TEDC1: variants seen among roughly 807,000 people sequenced by gnomAD.
TEDC1 encodes tubulin epsilon and delta complex 1, also known as tubulin epsilon and delta complex protein 1.
In TEDC1, 54 loss-of-function variants were observed where a neutral mutation model predicts 59.9. That is an observed-to-expected ratio of 0.90 (90% confidence interval 0.72 to 1.13). The LOEUF (loss-of-function observed/expected upper bound fraction) is 1.13. Ranked by LOEUF, TEDC1 falls within the 50% of genes most tolerant of loss-of-function variation. TEDC1 has a pLI of 0.00. For synonymous variants in TEDC1, 353 were observed against 298.1 expected, an observed-to-expected ratio of 1.18 and a Z score of -1.90; for missense variants, 734 against 683.4, an observed-to-expected ratio of 1.07 and a Z score of -0.83.
intron 5 of TEDC1, chr14:105,494,231 A>G (rs1217448983): frequency 3.9e-5 from 19 of 483,968 alleles, no homozygotes; most frequent in African/African-American, 2.6e-4. Flanking sequence ...AGGCTGTTGG[A>G]ATAAAGGAAC....
Position 105,493,948 on chromosome 14 carries a change from G to C in TEDC1, c.684+15G>C. On this transcript the variant is annotated intron_variant, in intron 5 of 8. Transcript: ENST00000392523. ...GAGGCCAGCAGGTGAGGGCGGGCAA[G>C]CTGCTGCGGGGGGGTGGGGGTGGGC... is the stretch of plus-strand genomic sequence containing the variant. The C allele has an allele frequency of 2.3e-6, 3 of 1,294,374 alleles. No homozygotes were observed. The South Asian group carries it at 3.8e-5, about 16-fold the overall frequency. The allele number at this position is 1,294,374 out of a possible 1,614,324, so 80.2% of individuals were successfully genotyped here.
chr14:105,491,586 C>G, intron 1 of TEDC1, 36 bp from the exon 2 acceptor site: 2 of 1,547,822 alleles, frequency 1.3e-6, no homozygotes, highest in South Asian at 2.4e-5. Flanking sequence ...GGAGTTGGGC[C>G]GGCTCCGCTG....
Position 105,497,908 on chromosome 14 carries a change from G to C in TEDC1, c.1089G>C (p.Arg363=), listed in dbSNP as rs782180674. 12 of 1,553,126 alleles carry C rather than the reference G, an allele frequency of 7.7e-6. No homozygotes were observed. Among genetic ancestry groups the C allele is most frequent in the Non-Finnish European group, 1.0e-5 (12 of 1,148,544 alleles). Reference sequence around the variant, plus strand: ...GTGGCGAGTTGGACCTGGTAGTGCGGGAGCTGCAGGCACTGGAGGAGGAGC... The same window carrying C: ...GTGGCGAGTTGGACCTGGTAGTGCGCGAGCTGCAGGCACTGGAGGAGGAGC... The part of the protein sequence containing the change: ...RGGGELDLVV[R]ELQALEEELR... The change falls in exon 8 of 9, where the codon CGG becomes CGC. Residue 363 remains arginine, a synonymous_variant. Transcript: ENST00000392523.
Position 105,491,453 on chromosome 14 carries a change from G to A in TEDC1, c.78G>A (p.Leu26=), listed in dbSNP as rs1555439236. The change falls in exon 1 of 9, where the codon TTG becomes TTA. Residue 26 remains leucine (L), a synonymous_variant. Coordinates refer to ENST00000392523, the MANE Select transcript of TEDC1 (RefSeq NM_001367178.1). ...CCCTGCCTGAGGCCATCGCCGCGTT[G>A]AGTCGGTCGCTGCCCTCGGGACCCA... is the stretch of plus-strand genomic sequence containing the variant. ...AGALPEAIAA[L]SRSLPSGPSP... is the part of the protein sequence containing the mutation. 6 of 1,459,906 alleles carry A rather than the reference G, an allele frequency of 4.1e-6. No homozygotes were observed. The highest frequency in any genetic ancestry group is 5.4e-6 in the Non-Finnish European group (6 of 1,110,034). The allele number at this position is 1,459,906 out of a possible 1,614,324, so 90.4% of individuals were successfully genotyped here.
intron 6 of TEDC1, 60 bp downstream of exon 6, chr14:105,496,146 G>GGGGGGGGGGGGCCCCCCCC: frequency 6.0e-6 from 2 of 331,608 alleles, no homozygotes; most frequent in East Asian, 1.5e-4. Flanking sequence ...GGGTGGGAGG[G>GGGGGGGGGGGGCCCCCCCC]GGTGGCGAGG....
chr14:105,499,057 G>GC lies in TEDC1; in HGVS notation c.*114dup. ...GCCGCAGGGACGATGCAGATGCAGAGCCCACGTCACATGCTCGCTCCAGGG... is the reference window on the plus strand; with the variant it reads ...GCCGCAGGGACGATGCAGATGCAGAGCCCCACGTCACATGCTCGCTCCAGGG... On this transcript the variant is annotated 3_prime_UTR_variant, in exon 9 of 9. Coordinates refer to ENST00000392523, the MANE Select transcript of TEDC1 (RefSeq NM_001367178.1). 5.0e-6 allele frequency: 6 copies of GC among 1,192,342 alleles called. No individual in the cohort carries two copies. In the South Asian group the frequency reaches 9.3e-5, roughly 19 times the overall value. The allele number at this position is 1,192,342 out of a possible 1,614,324, so 73.9% of individuals were successfully genotyped here. A position where few individuals can be genotyped will look rare whatever the true frequency, so the allele number is the denominator to read the frequency against.
intron 7 of TEDC1, 27 bp from the exon 8 acceptor site, chr14:105,497,771 C>T (rs998665017): frequency 1.3e-6 from 2 of 1,509,258 alleles, no homozygotes; most frequent in African/African-American, 1.4e-5. Context: ...TGGCTTGGTG[C>T]ACGCTGTCTC....
Position 105,497,448 on chromosome 14 carries a change from G to A in TEDC1, c.978+5G>A. The A allele has an allele frequency of 6.5e-7, 1 of 1,544,636 alleles. No individual in the cohort carries two copies. Among genetic ancestry groups the A allele is most frequent in the East Asian group, 2.4e-5 (1 of 41,158 alleles). On this transcript the variant is annotated splice_donor_5th_base_variant and intron_variant, in intron 7 of 8. Coordinates refer to ENST00000392523, the MANE Select transcript of TEDC1 (RefSeq NM_001367178.1). ...CTGGTCTTCTGGCGGTGGATGGTGA[G>A]GAAGCCCGCGCATCCCTCTCCCGGC...
chr14:105,498,579 C>T (rs1555440977), intron 8 of TEDC1, 38 bp from the exon 9 acceptor site: 3 of 1,500,478 alleles, frequency 2.0e-6, no homozygotes, highest in Admixed American at 4.2e-5. Flanking sequence ...GGCCAGTGTC[C>T]TGGGGGGACA....
Position 105,499,078 on chromosome 14 carries a change from C to T in TEDC1, c.*132C>T, listed in dbSNP as rs587654781. On this transcript the variant is annotated 3_prime_UTR_variant, in exon 9 of 9. Transcript: ENST00000392523. ...CAGAGCCCACGTCACATGCTCGCTC[C>T]AGGGGTGGGGCTGGGCTGACTCTGG... 173 of 1,019,526 alleles carry T rather than the reference C, an allele frequency of 1.7e-4. No homozygotes were observed. In the East Asian group the frequency reaches 2.8e-3, roughly 16 times the overall value. The allele number at this position is 1,019,526 out of a possible 1,614,324, so 63.2% of individuals were successfully genotyped here.
At chr14:105,494,088 G>C in intron 5 of TEDC1, 155 bp downstream of exon 5, 1 of 645,996 alleles carries the variant, frequency 1.5e-6, no homozygotes, top group East Asian at 2.7e-5. Context: ...TGCCAGCCTG[G>C]GTGACAGACA....
In TEDC1 at chr14:105,495,995, G is replaced by C. The variant is rs782366752; in HGVS notation, c.800G>C (p.Cys267Ser). The C allele has an allele frequency of 1.1e-5, 17 of 1,550,288 alleles. No individual in the cohort carries two copies. The highest frequency in any genetic ancestry group is 1.1e-4 in the South Asian group (9 of 84,066). The stretch of plus-strand genomic sequence containing the variant: ...TTCTGGAATGATCTGTGGCTGGTAT[G>C]TGAGCAGCCAGGTCTGCTGCCGGGT... Reference protein sequence around the residue: ...RTFWNDLWLVCEQPGLLPGDW... With the variant: ...RTFWNDLWLVSEQPGLLPGDW... The change falls in exon 6 of 9, where the codon TGT (cysteine) becomes TCT (serine). Residue 267 changes from cysteine to serine, a missense_variant. Transcript: ENST00000392523.
upstream of TEDC1, chr14:105,490,897 TG>T: frequency 1.1e-6 from 1 of 921,824 alleles, no homozygotes; most frequent in Non-Finnish European, 1.7e-6. Flanking sequence ...CGCTGATGGG[TG>T]GGGTCTGAGC....
At chr14:105,493,449 T>C (rs1183058744) in intron 4 of TEDC1, among the ~76,000 whole-genome samples, 1 of 152,144 alleles carries the variant, frequency 6.6e-6, no homozygotes, top group African/African-American at 2.4e-5. Flanking sequence ...CTTCCCCATT[T>C]CCCTAGATCC....
intron 7 of TEDC1, 25 bp downstream of exon 7, chr14:105,497,468 C>G: frequency 6.5e-7 from 1 of 1,539,052 alleles, no homozygotes; most frequent in Non-Finnish European, 8.7e-7. Context: ...GCATCCCTCT[C>G]CCGGCATCCC....
intron 6 of TEDC1, 153 bp downstream of exon 6, chr14:105,496,239 G>C: frequency 1.3e-6 from 1 of 782,660 alleles, no homozygotes; most frequent in Non-Finnish European, 2.0e-6. Flanking sequence ...CCTTCTGTCA[G>C]GTGTGTTGAA....
At chr14:105,497,525 C>T (rs2084374359) in intron 7 of TEDC1, 82 bp downstream of exon 7, 5 of 1,467,816 alleles carry the variant, frequency 3.4e-6, no homozygotes, top group Middle Eastern at 1.7e-4. Flanking sequence ...TTCCTGTTTT[C>T]CAGACAGGAA....
intron 5 of TEDC1, chr14:105,495,179 T>A (rs1454297239): frequency 2.6e-5 from 4 of 152,988 alleles, no homozygotes; most frequent in African/African-American, 7.2e-5. Flanking sequence ...GGCTGGGCTC[T>A]GTACTGTCCT....
intron 6 of TEDC1, 24 bp from the exon 7 acceptor site, chr14:105,497,333 G>A (rs2084369203): frequency 6.5e-7 from 1 of 1,548,414 alleles, no homozygotes; most frequent in Admixed American, 2.0e-5. Flanking sequence ...TGAGGTTCTA[G>A]GCCAGCTGCC....
Sources: allele counts gnomAD v4.1 joint callset (sites outside exome capture counted in the v4.1 genomes callset), GRCh38; gene constraint gnomAD v4.1.1; transcripts MANE v1.5; gene names NCBI Gene and HGNC (gene_info 2026-07-23, HGNC 2026-07-21).